Variants in KHDRBS2 observed in about 807,000 individuals in gnomAD.
The protein encoded by KHDRBS2 is KH domain-containing, RNA-binding, signal transduction-associated protein 2.
KHDRBS2 carries 26 observed loss-of-function variants against 44.3 expected under a neutral mutation model. The ratio of observed to expected loss-of-function variants is 0.59; its 90% CI spans 0.43 to 0.81. KHDRBS2 has a LOEUF of 0.81. KHDRBS2 is among the 40% of genes least tolerant of loss of function. The probability of loss-of-function intolerance (pLI) is 0.00; values close to 1 mark genes in which losing one functional copy is unlikely to be tolerated. For synonymous variants in KHDRBS2, 194 were observed against 151.1 expected, an observed-to-expected ratio of 1.28 and a Z score of -2.08; for missense variants, 476 against 433.1, an observed-to-expected ratio of 1.10 and a Z score of -0.88.
At chr6:61,580,695 A>T in the KHDRBS2 span, among the ~76,000 whole-genome samples, 1 of 151,978 alleles carries the variant, frequency 6.6e-6, no homozygotes, top group Admixed American at 6.6e-5. Flanking sequence ...ATAACTCTGG[A>T]CACACCACTG....
chr6:61,831,172 A>T (rs1020391472), intron 6 of KHDRBS2, among the ~76,000 whole-genome samples: 1 of 152,148 alleles, frequency 6.6e-6, no homozygotes, highest in African/African-American at 2.4e-5. Flanking sequence ...CCTTTTTAAG[A>T]CATGTTCAGT....
In KHDRBS2 at chr6:61,829,286, C is replaced by T. The variant is rs565198934; in HGVS notation, c.810+65349G>A. On this transcript the variant is annotated intron_variant, in intron 6 of 8. Transcript: ENST00000281156. Reference sequence around the variant, plus strand: ...AAGCAATTCTCCTGCCTCAGCTTCCCGAGTAGCTGGGACTACAGGCGCCCA... The same window carrying T: ...AAGCAATTCTCCTGCCTCAGCTTCCTGAGTAGCTGGGACTACAGGCGCCCA... Among the ~76,000 whole-genome samples, 125 of 152,160 alleles carry T rather than the reference C, an allele frequency of 8.2e-4. No homozygotes were observed. The Middle Eastern group carries it at 0.014, about 17-fold the overall frequency.
chr6:61,544,513 T>C, the KHDRBS2 span, among the ~76,000 whole-genome samples: 53 of 152,268 alleles, frequency 3.5e-4, no homozygotes, highest in Admixed American at 1.7e-3. Flanking sequence ...AGCAATCTTT[T>C]GTTTAAAATG....
At chr6:62,014,778 A>ACCT (rs1780901599) in intron 3 of KHDRBS2, among the ~76,000 whole-genome samples, 1 of 152,136 alleles carries the variant, frequency 6.6e-6, no homozygotes, top group African/African-American at 2.4e-5. Flanking sequence ...GTCATACAGC[A>ACCT]CATGAAATAT....
At chr6:61,839,360 ATGACCAGTAGC>A (rs1418545301) in intron 6 of KHDRBS2, among the ~76,000 whole-genome samples, 1 of 151,992 alleles carries the variant, frequency 6.6e-6, no homozygotes, top group African/African-American at 2.4e-5. Flanking sequence ...TTACAAGGAT[ATGACCAGTAGC>A]TAACCAGCAA....
At chr6:61,656,126 A>C in the KHDRBS2 span, among the ~76,000 whole-genome samples, 1 of 152,086 alleles carries the variant, frequency 6.6e-6, no homozygotes, top group African/African-American at 2.4e-5. Context: ...GATTTCATTT[A>C]ACGGATCTTT....
At chr6:62,228,220 A>G (rs1468738579) in intron 1 of KHDRBS2, among the ~76,000 whole-genome samples, 1 of 152,164 alleles carries the variant, frequency 6.6e-6, no homozygotes, top group African/African-American at 2.4e-5. Context: ...TGGTCTATTC[A>G]GGGATTCAAC....
chr6:61,770,139 GGAAAACTAACAAACA>G (rs1456352952), intron 6 of KHDRBS2, among the ~76,000 whole-genome samples: 2 of 152,102 alleles, frequency 1.3e-5, no homozygotes, highest in Non-Finnish European at 2.9e-5. Flanking sequence ...TCTGTTAGAA[GGAAAACTAACAAACA>G]GAAAGGACAT....
chr6:61,920,233 G>C (rs1807813930), intron 4 of KHDRBS2, among the ~76,000 whole-genome samples: 2 of 152,036 alleles, frequency 1.3e-5, no homozygotes, highest in South Asian at 4.2e-4. Flanking sequence ...GCCTGGGTGA[G>C]AGACATTGAC....
chr6:62,004,599 C>T (rs1158867842), intron 3 of KHDRBS2, among the ~76,000 whole-genome samples: 11 of 152,144 alleles, frequency 7.2e-5, no homozygotes, highest in Non-Finnish European at 1.6e-4. Flanking sequence ...GAGCTGGTAC[C>T]ATTCCTTCTG....
the KHDRBS2 span, among the ~76,000 whole-genome samples, chr6:61,627,061 G>A: frequency 6.6e-6 from 1 of 151,474 alleles, no homozygotes; most frequent in Non-Finnish European, 1.5e-5. Context: ...AGACCATCCT[G>A]GCTAACACGG....
intron 6 of KHDRBS2, among the ~76,000 whole-genome samples, chr6:61,806,571 G>T (rs1463918205): frequency 6.6e-6 from 1 of 152,074 alleles, no homozygotes; most frequent in African/African-American, 2.4e-5. Flanking sequence ...CATTTAAAAT[G>T]AAGCAATATA....
chr6:61,766,026 T>G (rs934485657), intron 6 of KHDRBS2, among the ~76,000 whole-genome samples: 1 of 152,106 alleles, frequency 6.6e-6, no homozygotes, highest in Non-Finnish European at 1.5e-5. Flanking sequence ...CCGTCCTCTA[T>G]TTTTCTGAAT....
At chr6:61,560,942 T>C in the KHDRBS2 span, among the ~76,000 whole-genome samples, 1 of 152,142 alleles carries the variant, frequency 6.6e-6, no homozygotes, top group African/African-American at 2.4e-5. Flanking sequence ...TGAGCTTGTT[T>C]GTACCCCTCC....
In KHDRBS2 at chr6:61,978,119, C is replaced by G; in HGVS notation, c.430G>C (p.Ala144Pro). The G allele has an allele frequency of 6.2e-7, 1 of 1,611,724 alleles. No homozygotes were observed. The highest frequency in any genetic ancestry group is 8.5e-7 in the Non-Finnish European group (1 of 1,178,766). ...AATGCATGACTCATACGTGAATAAG[C>G]TTCCCCAGGTGGAGCAAACACTTCA... ...LIEVFAPPGE[A>P]YSRMSHALEE... The change falls in exon 4 of 9, where the codon GCT (alanine) becomes CCT (proline). Residue 144 changes from alanine (A) to proline (P), a missense_variant. Physicochemically the swap from Ala to Pro is conservative, Grantham distance 27. Coordinates refer to ENST00000281156, the MANE Select transcript of KHDRBS2 (RefSeq NM_152688.4).
At chr6:62,269,452 T>C (rs1345594532) in intron 1 of KHDRBS2, among the ~76,000 whole-genome samples, 1 of 151,998 alleles carries the variant, frequency 6.6e-6, no homozygotes, top group Non-Finnish European at 1.5e-5. Context: ...TAAGAATACA[T>C]ATAAATGAGC....
intron 4 of KHDRBS2, among the ~76,000 whole-genome samples, chr6:61,951,899 T>TG (rs1200523413): frequency 8.2e-6 from 1 of 122,184 alleles, no homozygotes; most frequent in African/African-American, 2.8e-5. Flanking sequence ...GTTCTGTAGT[T>TG]ACAATTTTTT....
At chr6:61,640,107 A>G in the KHDRBS2 span, among the ~76,000 whole-genome samples, 1 of 152,108 alleles carries the variant, frequency 6.6e-6, no homozygotes, top group Non-Finnish European at 1.5e-5. Context: ...AATAATTATC[A>G]GTTAGAGATG....
At chr6:61,653,915 A>G in the KHDRBS2 span, among the ~76,000 whole-genome samples, 50 of 152,188 alleles carry the variant, frequency 3.3e-4, no homozygotes, top group Middle Eastern at 3.4e-3. Flanking sequence ...CAACATTCAA[A>G]GTCCAAAATA....
Sources: gnomAD v4.1 joint callset for allele counts (sites outside exome capture counted in the v4.1 genomes callset) on GRCh38, gnomAD v4.1.1 for gene constraint, MANE v1.5 for transcripts, NCBI Gene and HGNC (gene_info 2026-07-23, HGNC 2026-07-21) for gene names.